Variants in MSN observed in about 807,000 individuals in gnomAD.
MSN encodes moesin, also known as epididymis luminal protein 70.
Under a neutral mutation model 48.0 loss-of-function variants are expected in MSN, and 2 were observed. The ratio of observed to expected loss-of-function variants is 0.04; its 90% CI spans 0.02 to 0.13. The LOEUF (loss-of-function observed/expected upper bound fraction) is 0.13. Among genes scored for constraint, MSN ranks in the 10% least tolerant of loss-of-function variants. The pLI is 1.00. For synonymous variants in MSN, 146 were observed against 166.9 expected (o/e 0.87, Z 0.97); for missense variants, 267 against 470.1 (o/e 0.57, Z 3.99).
At chrX:65,649,862 C>T (rs1007484526) in intron 1 of MSN, among the ~76,000 whole-genome samples, 3 of 106,756 alleles carry the variant, frequency 2.8e-5, no homozygotes, top group East Asian at 2.9e-4. Context: ...AGACCACTAC[C>T]ACCACCATCC....
chrX:65,593,087 T>C (rs1427308769), intron 1 of MSN, among the ~76,000 whole-genome samples: 2 of 111,574 alleles, frequency 1.8e-5, no homozygotes, highest in Admixed American at 9.5e-5. Context: ...TTCTTTATTA[T>C]TTTTTCCAAA....
At chrX:65,640,311 TG>T (rs1450147073) in intron 1 of MSN, among the ~76,000 whole-genome samples, 2 of 111,050 alleles carry the variant, frequency 1.8e-5, no homozygotes, top group African/African-American at 6.6e-5. Context: ...GAGGCCAAGG[TG>T]GGTGGATCAT....
intron 1 of MSN, among the ~76,000 whole-genome samples, chrX:65,715,649 G>A (rs1352457824): frequency 8.9e-6 from 1 of 111,849 alleles, no homozygotes; most frequent in Non-Finnish European, 1.9e-5. Flanking sequence ...GTATACGAAT[G>A]CTAGTGACTT....
upstream of MSN, among the ~76,000 whole-genome samples, chrX:65,666,615 G>A (rs1380368541): frequency 1.3e-4 from 14 of 110,829 alleles, no homozygotes; most frequent in Middle Eastern, 4.6e-3. Flanking sequence ...CACTATGCCC[G>A]GCTCTCACTT....
intron 1 of MSN, among the ~76,000 whole-genome samples, chrX:65,659,292 C>T (rs1040534506): frequency 1.1e-4 from 12 of 110,584 alleles, no homozygotes; most frequent in African/African-American, 3.6e-4. Flanking sequence ...TAGCTGGGAC[C>T]ACAGGTACGT....
intron 1 of MSN, among the ~76,000 whole-genome samples, chrX:65,703,691 A>C (rs991197002): frequency 9.0e-6 from 1 of 111,647 alleles, no homozygotes; most frequent in African/African-American, 3.3e-5. Flanking sequence ...CAGCCTCCTA[A>C]GTAAGTATTA....
chrX:65,656,256 G>A (rs753623993), intron 1 of MSN, among the ~76,000 whole-genome samples: 2 of 99,712 alleles, frequency 2.0e-5, no homozygotes, highest in South Asian at 8.6e-4. Flanking sequence ...GAGCTGAAAA[G>A]ATCTATGCCT....
intron 1 of MSN, among the ~76,000 whole-genome samples, chrX:65,639,538 G>T (rs779314851): frequency 8.9e-6 from 1 of 112,043 alleles, no homozygotes; most frequent in South Asian, 3.7e-4. Flanking sequence ...TGTCTGCCAG[G>T]GAAGTGGGAA....
At chrX:65,695,532 A>AAAAAAAAAAAAC (rs1407800960) in intron 1 of MSN, among the ~76,000 whole-genome samples, 1 of 107,390 alleles carries the variant, frequency 9.3e-6, no homozygotes, top group African/African-American at 3.4e-5. Flanking sequence ...AAAAAAAAAA[A>AAAAAAAAAAAAC]AACAAAGAAA....
intron 2 of MSN, among the ~76,000 whole-genome samples, chrX:65,719,908 A>C (rs1288414990): frequency 9.0e-6 from 1 of 111,662 alleles, no homozygotes; most frequent in Non-Finnish European, 1.9e-5. Context: ...AAAAAACCTC[A>C]ATGCCTGGTA....
intron 1 of MSN, among the ~76,000 whole-genome samples, chrX:65,590,837 G>A (rs986004685): frequency 9.0e-6 from 1 of 111,333 alleles, no homozygotes; most frequent in South Asian, 3.8e-4. Context: ...AGTAGCAGCA[G>A]AACAACGGTT....
intron 7 of MSN, among the ~76,000 whole-genome samples, chrX:65,734,444 G>T (rs1388032082): frequency 1.8e-5 from 2 of 111,596 alleles, no homozygotes; most frequent in Non-Finnish European, 3.8e-5. Context: ...GGAGTGATTT[G>T]CCCAAGATCA....
chrX:65,683,743 T>C (rs966617657), intron 1 of MSN, among the ~76,000 whole-genome samples: 10 of 110,774 alleles, frequency 9.0e-5, no homozygotes, highest in African/African-American at 3.0e-4. Flanking sequence ...GGAACAGATT[T>C]AAATAAATAC....
At chrX:65,595,121 G>A (rs755938468) in intron 1 of MSN, among the ~76,000 whole-genome samples, 1 of 112,061 alleles carries the variant, frequency 8.9e-6, no homozygotes, top group African/African-American at 3.2e-5. Flanking sequence ...TCACACTAAG[G>A]TCACTCCTTT....
intron 1 of MSN, among the ~76,000 whole-genome samples, chrX:65,693,295 T>A (rs2071194314): frequency 8.9e-6 from 1 of 112,277 alleles, no homozygotes; most frequent in Non-Finnish European, 1.9e-5. Context: ...AAGGGTTTTT[T>A]GTGTCTCTAT....
rs761549104 is a variant in MSN at position 65,682,556 on chromosome X, G to T, written c.12+14703G>T. 4.5e-5 allele frequency among the ~76,000 whole-genome samples: 5 copies of T among 111,376 alleles called. No individual in the cohort carries two copies. In the Admixed American group the frequency reaches 4.8e-4, roughly 11 times the overall value. ...GACTTGCTCAAGGTCATGTATTGAG[G>T]CAGAAGCAGAAACTGGTATTGAAGG... On this transcript the variant is annotated intron_variant, in intron 1 of 12. Coordinates refer to ENST00000360270, the MANE Select transcript of MSN (RefSeq NM_002444.3).
chrX:65,684,472 C>G (rs1387176714), intron 1 of MSN, among the ~76,000 whole-genome samples: 1 of 102,752 alleles, frequency 9.7e-6, no homozygotes, highest in East Asian at 3.1e-4. Flanking sequence ...GAGTTTTGCT[C>G]TTTTTGCCCA....
chrX:65,729,144 A>T (rs916060334), intron 3 of MSN, among the ~76,000 whole-genome samples: 1 of 112,086 alleles, frequency 8.9e-6, no homozygotes, highest in Admixed American at 9.5e-5. Context: ...GCCTACTATC[A>T]GAATTTGGGG....
intron 1 of MSN, among the ~76,000 whole-genome samples, chrX:65,706,282 A>T (rs919319089): frequency 1.8e-5 from 2 of 111,871 alleles, no homozygotes; most frequent in African/African-American, 6.5e-5. Context: ...AATGGAGTTT[A>T]GCTTCCGACC....
Sources: gnomAD v4.1 joint callset for allele counts (sites outside exome capture counted in the v4.1 genomes callset) on GRCh38, gnomAD v4.1.1 for gene constraint, MANE v1.5 for transcripts, NCBI Gene and HGNC (gene_info 2026-07-23, HGNC 2026-07-21) for gene names.